Variants in CTNND2 observed in about 807,000 individuals in gnomAD.
The protein encoded by CTNND2 is catenin delta-2.
In CTNND2, 22 loss-of-function variants were observed where a neutral mutation model predicts 144.4. The observed-to-expected ratio is 0.15, with a 90% confidence interval of 0.11 to 0.22. CTNND2 has a LOEUF of 0.22. Among genes scored for constraint, CTNND2 ranks in the 10% least tolerant of loss-of-function variants. The probability of loss-of-function intolerance (pLI) is 1.00; values close to 1 mark genes in which losing one functional copy is unlikely to be tolerated. For missense variants in CTNND2, 1,353 were observed against 1,618.8 expected (o/e 0.84, Z 2.82); for synonymous variants, 751 against 695.6 (o/e 1.08, Z -1.25).
chr5:11,012,460 C>T (rs1225713639), intron 18 of CTNND2, among the ~76,000 whole-genome samples: 3 of 152,154 alleles, frequency 2.0e-5, no homozygotes, highest in Non-Finnish European at 2.9e-5. Flanking sequence ...TTTAAGAGGT[C>T]GTTTACTTTC....
intron 2 of CTNND2, among the ~76,000 whole-genome samples, chr5:11,719,307 C>T (rs920111407): frequency 1.6e-4 from 24 of 152,184 alleles, no homozygotes; most frequent in African/African-American, 5.1e-4. Context: ...ACGTAGCTTA[C>T]TCTGTGTCAT....
At chr5:11,900,572 C>T (rs1737776782) in intron 1 of CTNND2, among the ~76,000 whole-genome samples, 1 of 152,162 alleles carries the variant, frequency 6.6e-6, no homozygotes, top group Non-Finnish European at 1.5e-5. Flanking sequence ...AAAGCTGTTG[C>T]TTTGGCATAT....
chr5:11,623,500 T>C (rs1780962298), intron 2 of CTNND2, among the ~76,000 whole-genome samples: 1 of 151,958 alleles, frequency 6.6e-6, no homozygotes, highest in African/African-American at 2.4e-5. Flanking sequence ...CACATGAAAC[T>C]GTGAGTCCAT....
At chr5:11,084,946 C>T (rs1228098977) in intron 15 of CTNND2, among the ~76,000 whole-genome samples, 24 of 152,144 alleles carry the variant, frequency 1.6e-4, no homozygotes, top group Non-Finnish European at 3.5e-4. Flanking sequence ...CTCCTTTAAT[C>T]CTCCATGCTC....
At chr5:11,181,846 GTGTGGATGTGTGTGTGTGT>G (rs72121834) in intron 11 of CTNND2, among the ~76,000 whole-genome samples, 3 of 59,588 alleles carry the variant, frequency 5.0e-5, no homozygotes, top group Non-Finnish European at 1.0e-4. Flanking sequence ...TGGCATGTGT[GTGTGGATGTGTGTGTGTGT>G]TATGTGTGGC....
chr5:11,640,757 T>C (rs1781957747), intron 2 of CTNND2, among the ~76,000 whole-genome samples: 1 of 152,178 alleles, frequency 6.6e-6, no homozygotes, highest in Non-Finnish European at 1.5e-5. Flanking sequence ...ACCTTTGTTA[T>C]ATTTAAGATT....
chr5:11,199,099 A>G (rs1329571874), intron 11 of CTNND2, among the ~76,000 whole-genome samples: 3 of 152,240 alleles, frequency 2.0e-5, no homozygotes, highest in Non-Finnish European at 4.4e-5. Context: ...ATACCTTATT[A>G]GCAAAAACTG....
At chr5:11,405,539 A>C (rs1286458991) in intron 5 of CTNND2, among the ~76,000 whole-genome samples, 1 of 151,972 alleles carries the variant, frequency 6.6e-6, no homozygotes, top group Non-Finnish European at 1.5e-5. Flanking sequence ...ATGAGACTGC[A>C]CTATTGCACT....
chr5:11,284,130 T>A (rs1267566774), intron 9 of CTNND2, among the ~76,000 whole-genome samples: 2 of 152,100 alleles, frequency 1.3e-5, no homozygotes, highest in South Asian at 2.1e-4. Context: ...CCGCATCAGG[T>A]GTTCTGGTCA....
At chr5:11,827,355 C>T (rs1206218795) in intron 1 of CTNND2, among the ~76,000 whole-genome samples, 2 of 152,082 alleles carry the variant, frequency 1.3e-5, no homozygotes, top group Non-Finnish European at 1.5e-5. Flanking sequence ...TTAAATCCTT[C>T]GGTAAGAAAG....
chr5:11,274,612 C>A, intron 9 of CTNND2, among the ~76,000 whole-genome samples: 1 of 147,330 alleles, frequency 6.8e-6, no homozygotes, highest in South Asian at 2.2e-4. Flanking sequence ...AACACCAAAA[C>A]ACAAAACACT....
chr5:11,308,893 G>C (rs946779404), intron 9 of CTNND2, among the ~76,000 whole-genome samples: 9 of 152,128 alleles, frequency 5.9e-5, no homozygotes, highest in African/African-American at 2.2e-4. Flanking sequence ...GGGAGGCCTC[G>C]GCAGAAGGCG....
chr5:11,494,704 G>T (rs1012986584), intron 3 of CTNND2, among the ~76,000 whole-genome samples: 1 of 152,126 alleles, frequency 6.6e-6, no homozygotes, highest in Admixed American at 6.5e-5. Flanking sequence ...AAGAATAATT[G>T]ATATGAAGTG....
At chr5:11,715,056 T>C (rs1275857182) in intron 2 of CTNND2, among the ~76,000 whole-genome samples, 2 of 152,154 alleles carry the variant, frequency 1.3e-5, no homozygotes, top group Non-Finnish European at 1.5e-5. Flanking sequence ...TACCTTAAGA[T>C]TTTGAGAGAT....
At chr5:11,783,550 G>C (rs961719113) in intron 1 of CTNND2, among the ~76,000 whole-genome samples, 1 of 150,226 alleles carries the variant, frequency 6.7e-6, no homozygotes, top group Non-Finnish European at 1.5e-5. Context: ...AGACCAGCTT[G>C]GTTTTTCATA....
chr5:11,141,859 T>C (rs1195998831), intron 12 of CTNND2, among the ~76,000 whole-genome samples: 1 of 152,232 alleles, frequency 6.6e-6, no homozygotes, highest in Non-Finnish European at 1.5e-5. Context: ...TTAATCCCAA[T>C]GTAACAGTGT....
At chr5:11,882,059 GATT>G (rs1054807500) in intron 1 of CTNND2, among the ~76,000 whole-genome samples, 23 of 151,634 alleles carry the variant, frequency 1.5e-4, no homozygotes, top group Admixed American at 1.5e-3. Flanking sequence ...TTTTTACTTG[GATT>G]ATTATTATTA....
intron 2 of CTNND2, among the ~76,000 whole-genome samples, chr5:11,683,662 T>C (rs1231720625): frequency 1.3e-5 from 2 of 152,246 alleles, no homozygotes; most frequent in Non-Finnish European, 2.9e-5. Context: ...CTAATGCATA[T>C]CTTCTTGAAC....
intron 1 of CTNND2, among the ~76,000 whole-genome samples, chr5:11,865,052 C>T (rs1024013748): frequency 2.0e-5 from 3 of 151,982 alleles, no homozygotes; most frequent in Admixed American, 6.6e-5. Context: ...TGTGCCACCA[C>T]GCCTGGCTAA....
Sources: gnomAD v4.1 joint callset for allele counts (sites outside exome capture counted in the v4.1 genomes callset) on GRCh38, gnomAD v4.1.1 for gene constraint, MANE v1.5 for transcripts, NCBI Gene and HGNC (gene_info 2026-07-23, HGNC 2026-07-21) for gene names.